The following LRRTM4 variants were observed in gnomAD, a reference collection of about 807,000 sequenced individuals.
LRRTM4 encodes the protein leucine rich repeat transmembrane neuronal 4, also known as leucine-rich repeat transmembrane neuronal protein 4.
Under a neutral mutation model 47.6 loss-of-function variants are expected in LRRTM4, and 25 were observed. The ratio of observed to expected loss-of-function variants is 0.53; its 90% CI spans 0.38 to 0.73. The LOEUF (loss-of-function observed/expected upper bound fraction) is 0.73, where lower values mean the gene tolerates loss of function less well. Among genes scored for constraint, LRRTM4 ranks in the 30% least tolerant of loss-of-function variants. The probability of loss-of-function intolerance (pLI) is 0.00; values close to 1 mark genes in which losing one functional copy is unlikely to be tolerated. For missense variants in LRRTM4, 638 were observed against 713.4 expected (o/e 0.89, Z 1.20); for synonymous variants, 311 against 269.5 (o/e 1.15, Z -1.51).
chr2:76,974,249 TATATACACACAC>T (rs1676341589), intron 3 of LRRTM4, among the ~76,000 whole-genome samples: 1 of 139,572 alleles, frequency 7.2e-6, no homozygotes, highest in African/African-American at 2.9e-5. Context: ...TACATATATA[TATATACACACAC>T]ATACATATAT....
chr2:77,220,809 A>T (rs1217906946), intron 3 of LRRTM4, among the ~76,000 whole-genome samples: 1 of 152,246 alleles, frequency 6.6e-6, no homozygotes, highest in African/African-American at 2.4e-5. Flanking sequence ...GAACTTCCCC[A>T]ATCTAGCAAG....
rs5832252 is a variant in LRRTM4 at position 76,812,673 on chromosome 2, C to CTCTTTCTTTCTT, written c.1552-63769_1552-63758dup. Among the ~76,000 whole-genome samples, 792 of 147,928 alleles carry CTCTTTCTTTCTT rather than the reference C, an allele frequency of 5.4e-3. 8 individuals are homozygous for CTCTTTCTTTCTT. Among genetic ancestry groups the CTCTTTCTTTCTT allele is most frequent in the African/African-American group, 0.016 (646 of 39,948 alleles). ...TATGAAGGAGACTGTTACAAATAAG[C>CTCTTTCTTTCTT]TCTTTCTTTCTTTCTTTCTTTCTTT... On this transcript the variant is annotated intron_variant, in intron 3 of 3. Transcript: ENST00000409884.
At chr2:76,875,950 G>C (rs1327172921) in intron 3 of LRRTM4, among the ~76,000 whole-genome samples, 1 of 152,130 alleles carries the variant, frequency 6.6e-6, no homozygotes, top group Non-Finnish European at 1.5e-5. Flanking sequence ...CCTACTGAGA[G>C]AGAGCATTTA....
chr2:77,413,164 T>C (rs1169787377), intron 3 of LRRTM4, among the ~76,000 whole-genome samples: 1 of 152,168 alleles, frequency 6.6e-6, no homozygotes, highest in Non-Finnish European at 1.5e-5. Flanking sequence ...AGTACTTGCA[T>C]CATTAAGGGT....
At chr2:76,825,160 A>G (rs1558678351) in intron 3 of LRRTM4, among the ~76,000 whole-genome samples, 1 of 151,638 alleles carries the variant, frequency 6.6e-6, no homozygotes, top group Non-Finnish European at 1.5e-5. Context: ...TAAAGTTAGA[A>G]TGGAAGGAAA....
chr2:77,161,053 G>C (rs1370574862), intron 3 of LRRTM4, among the ~76,000 whole-genome samples: 1 of 152,108 alleles, frequency 6.6e-6, no homozygotes, highest in Non-Finnish European at 1.5e-5. Context: ...CCAGAAGTTA[G>C]ATGACCAACA....
intron 3 of LRRTM4, among the ~76,000 whole-genome samples, chr2:77,332,260 A>G (rs920805420): frequency 3.9e-5 from 6 of 152,214 alleles, no homozygotes; most frequent in Non-Finnish European, 8.8e-5. Flanking sequence ...TTTTACATAA[A>G]TAAACCAAAC....
chr2:76,805,749 AC>A (rs1444405332), intron 3 of LRRTM4, among the ~76,000 whole-genome samples: 1 of 152,104 alleles, frequency 6.6e-6, no homozygotes, highest in Non-Finnish European at 1.5e-5. Context: ...CAGAAAGAAA[AC>A]CCACTTCTAA....
intron 3 of LRRTM4, among the ~76,000 whole-genome samples, chr2:77,036,809 G>A (rs995270437): frequency 4.0e-5 from 6 of 151,686 alleles, no homozygotes; most frequent in African/African-American, 1.5e-4. Context: ...AAGCAAAAAT[G>A]TGGTGAGACA....
chr2:76,940,466 A>G (rs1158589361), intron 3 of LRRTM4, among the ~76,000 whole-genome samples: 1 of 152,026 alleles, frequency 6.6e-6, no homozygotes, highest in Non-Finnish European at 1.5e-5. Flanking sequence ...GAGGGGAACA[A>G]TAGACACTCA....
intron 3 of LRRTM4, among the ~76,000 whole-genome samples, chr2:76,925,791 G>A (rs1309727935): frequency 6.6e-6 from 1 of 152,036 alleles, no homozygotes; most frequent in Non-Finnish European, 1.5e-5. Flanking sequence ...ATGGCAAAGT[G>A]GTTTTTTAGG....
At chr2:77,344,562 T>G (rs1415303553) in intron 3 of LRRTM4, among the ~76,000 whole-genome samples, 1 of 151,804 alleles carries the variant, frequency 6.6e-6, no homozygotes, top group Non-Finnish European at 1.5e-5. Flanking sequence ...TTTAGGTCAA[T>G]ACCAAAAGTT....
At chr2:77,073,997 T>G (rs1294213972) in intron 3 of LRRTM4, among the ~76,000 whole-genome samples, 1 of 151,998 alleles carries the variant, frequency 6.6e-6, no homozygotes, top group African/African-American at 2.4e-5. Flanking sequence ...GTTCTTCTTA[T>G]AAATAACATA....
intron 3 of LRRTM4, among the ~76,000 whole-genome samples, chr2:76,930,356 T>C (rs75329248): frequency 0.1 from 15,646 of 152,246 alleles, 1,039 homozygotes; most frequent in Middle Eastern, 0.21. Context: ...ACACACGCGA[T>C]ATGGTTAATA....
At chr2:77,086,548 G>A (rs1680723254) in intron 3 of LRRTM4, among the ~76,000 whole-genome samples, 1 of 150,970 alleles carries the variant, frequency 6.6e-6, no homozygotes, top group Non-Finnish European at 1.5e-5. Context: ...CACAGTCTCG[G>A]CTCACTGCAA....
At chr2:77,094,025 C>T (rs980217795) in intron 3 of LRRTM4, among the ~76,000 whole-genome samples, 11 of 150,824 alleles carry the variant, frequency 7.3e-5, no homozygotes, top group South Asian at 6.3e-4. Context: ...TGACTCTTTT[C>T]GGATTGTTTC....
intron 3 of LRRTM4, among the ~76,000 whole-genome samples, chr2:77,004,940 C>A (rs956382634): frequency 1.3e-5 from 2 of 152,096 alleles, no homozygotes; most frequent in African/African-American, 2.4e-5. Context: ...TTGTTTTGGC[C>A]AACTTATCTC....
At chr2:77,026,598 A>G (rs954503662) in intron 3 of LRRTM4, among the ~76,000 whole-genome samples, 1 of 152,142 alleles carries the variant, frequency 6.6e-6, no homozygotes, top group Non-Finnish European at 1.5e-5. Context: ...TTTTAATTTT[A>G]TACCATATTT....
At chr2:76,899,641 G>C (rs1206322001) in intron 3 of LRRTM4, among the ~76,000 whole-genome samples, 1 of 151,960 alleles carries the variant, frequency 6.6e-6, no homozygotes, top group African/African-American at 2.4e-5. Flanking sequence ...GGAAAGGCAG[G>C]AAAAAGTAAT....
Sources: allele counts gnomAD v4.1 joint callset (sites outside exome capture counted in the v4.1 genomes callset), GRCh38; gene constraint gnomAD v4.1.1; transcripts MANE v1.5; gene names NCBI Gene and HGNC (gene_info 2026-07-23, HGNC 2026-07-21).